Variants in FARP1 observed in about 807,000 individuals in gnomAD.
The protein encoded by FARP1 is FERM, ARHGEF and pleckstrin domain-containing protein 1.
Under a neutral mutation model 128.8 loss-of-function variants are expected in FARP1, and 52 were observed. The ratio of observed to expected loss-of-function variants is 0.40; its 90% CI spans 0.32 to 0.51. The LOEUF (loss-of-function observed/expected upper bound fraction) is 0.51. Among genes scored for constraint, FARP1 ranks in the 20% least tolerant of loss-of-function variants. The probability of loss-of-function intolerance (pLI) is 0.45; values close to 1 mark genes in which losing one functional copy is unlikely to be tolerated. For missense variants in FARP1, 1,333 were observed against 1,367.9 expected, an observed-to-expected ratio of 0.97 and a Z score of 0.40; for synonymous variants, 580 against 551.8, an observed-to-expected ratio of 1.05 and a Z score of -0.72.
At chr13:98,341,955 G>A (rs143007963) in intron 2 of FARP1, among the ~76,000 whole-genome samples, 3 of 152,292 alleles carry the variant, frequency 2.0e-5, no homozygotes, top group African/African-American at 7.2e-5. Flanking sequence ...TGACCAAGTG[G>A]CCTGATACTA....
intron 3 of FARP1, among the ~76,000 whole-genome samples, chr13:98,349,679 A>AGG (rs1888328742): frequency 1.1e-4 from 8 of 74,850 alleles, no homozygotes; most frequent in African/African-American, 4.1e-4. Context: ...AGGGAAAAAA[A>AGG]AAAAAAAAAA....
intron 3 of FARP1, 82 bp downstream of exon 3, chr13:98,343,948 T>A: frequency 2.3e-6 from 2 of 881,936 alleles, no homozygotes; most frequent in Admixed American, 1.7e-5. Flanking sequence ...TCTAAATGAT[T>A]GTGAGTGAGA....
At chr13:98,398,499 C>A (rs2140083228) in intron 13 of FARP1, 2 of 152,268 alleles carry the variant, frequency 1.3e-5, no homozygotes, top group East Asian at 3.9e-4. Flanking sequence ...TTTTTAATCT[C>A]TGTGATATCT....
intron 3 of FARP1, among the ~76,000 whole-genome samples, chr13:98,359,106 T>C (rs1000608908): frequency 1.3e-5 from 2 of 152,206 alleles, no homozygotes; most frequent in African/African-American, 4.8e-5. Flanking sequence ...AACTGAACTT[T>C]TGTTGAGTCC....
Position 98,396,637 on chromosome 13 carries a change from T to G in FARP1, c.1414+1161T>G, listed in dbSNP as rs1890561034. ...GGACAGGCACATGTTTGAAAGAGTC[T>G]GCCTGACTTCTAAAATCGTTAAGAA... On this transcript the variant is annotated intron_variant, in intron 13 of 26. Coordinates refer to ENST00000319562, the MANE Select transcript of FARP1 (RefSeq NM_005766.4). 3 of 397,580 alleles carry G rather than the reference T, an allele frequency of 7.5e-6. No homozygotes were observed. The South Asian group carries it at 4.3e-4, about 57-fold the overall frequency. 24.6% of individuals were successfully genotyped at this position (397,580 alleles called of 1,614,324 possible).
chr13:98,297,245 G>A (rs530179044), intron 2 of FARP1, among the ~76,000 whole-genome samples: 2 of 152,178 alleles, frequency 1.3e-5, no homozygotes, highest in Non-Finnish European at 2.9e-5. Flanking sequence ...GATGGTGTGT[G>A]CCCTGGGCAG....
At chr13:98,255,641 T>C (rs1883549957) in intron 2 of FARP1, among the ~76,000 whole-genome samples, 1 of 152,266 alleles carries the variant, frequency 6.6e-6, no homozygotes, top group South Asian at 2.1e-4. Context: ...GTTAGTAATA[T>C]GCATAAGATG....
At chr13:98,297,989 T>C (rs1885772344) in intron 2 of FARP1, among the ~76,000 whole-genome samples, 1 of 152,202 alleles carries the variant, frequency 6.6e-6, no homozygotes, top group South Asian at 2.1e-4. Context: ...ATTTTGACCT[T>C]GACATTTCTG....
chr13:98,206,555 C>T (rs1880282128), intron 1 of FARP1, among the ~76,000 whole-genome samples: 1 of 152,284 alleles, frequency 6.6e-6, no homozygotes, highest in Middle Eastern at 3.4e-3. Context: ...CAGCTTGGCA[C>T]ATTTTTGTTA....
chr13:98,336,263 G>A (rs940807087), intron 2 of FARP1, among the ~76,000 whole-genome samples: 14 of 152,128 alleles, frequency 9.2e-5, no homozygotes, highest in African/African-American at 3.1e-4. Context: ...TTGTTTGTTT[G>A]TTTTGAGACA....
chr13:98,248,806 G>A (rs1300819522), intron 2 of FARP1, among the ~76,000 whole-genome samples: 1 of 151,860 alleles, frequency 6.6e-6, no homozygotes, highest in Non-Finnish European at 1.5e-5. Context: ...ATTTGTTTGC[G>A]TTTTCGTGCT....
chr13:98,381,382 C>T (rs925705373), intron 6 of FARP1, among the ~76,000 whole-genome samples: 4 of 152,128 alleles, frequency 2.6e-5, no homozygotes, highest in South Asian at 4.1e-4. Flanking sequence ...TCATCTTGTC[C>T]GTCTCTATAC....
chr13:98,267,292 T>G (rs1357860190), intron 2 of FARP1, among the ~76,000 whole-genome samples: 2 of 152,182 alleles, frequency 1.3e-5, no homozygotes, highest in African/African-American at 4.8e-5. Flanking sequence ...TTCACTGCTT[T>G]GAGTAAACTT....
intron 2 of FARP1, among the ~76,000 whole-genome samples, chr13:98,316,321 G>C (rs765043060): frequency 1.3e-5 from 2 of 152,200 alleles, no homozygotes; most frequent in Non-Finnish European, 2.9e-5. Flanking sequence ...GTCAGGCACT[G>C]CTGGAAGTTG....
intron 4 of FARP1, among the ~76,000 whole-genome samples, chr13:98,366,510 C>G (rs1345614044): frequency 6.6e-6 from 1 of 152,204 alleles, no homozygotes; most frequent in African/African-American, 2.4e-5. Flanking sequence ...CATTTGTCCC[C>G]CGCATGAAGG....
intron 2 of FARP1, among the ~76,000 whole-genome samples, chr13:98,285,131 A>G (rs991751439): frequency 5.9e-5 from 9 of 152,184 alleles, no homozygotes; most frequent in African/African-American, 2.2e-4. Flanking sequence ...ATTCCATTCA[A>G]TCAAGCAGGC....
intron 19 of FARP1, among the ~76,000 whole-genome samples, chr13:98,436,563 C>CT (rs1176840220): frequency 1.3e-5 from 2 of 152,206 alleles, no homozygotes; most frequent in Admixed American, 1.3e-4. Context: ...TTCCAACAAG[C>CT]AGCTGCCCTG....
At chr13:98,286,928 C>T (rs765541879) in intron 2 of FARP1, among the ~76,000 whole-genome samples, 4 of 152,154 alleles carry the variant, frequency 2.6e-5, no homozygotes, top group Non-Finnish European at 5.9e-5. Context: ...TCCATGATAT[C>T]ACATCATTTT....
chr13:98,295,110 T>G (rs1484891691), intron 2 of FARP1, among the ~76,000 whole-genome samples: 1 of 116,586 alleles, frequency 8.6e-6, no homozygotes. Flanking sequence ...CACACATATA[T>G]CCCCAGGCAT....
Sources: allele counts gnomAD v4.1 joint callset (sites outside exome capture counted in the v4.1 genomes callset), GRCh38; gene constraint gnomAD v4.1.1; transcripts MANE v1.5; gene names NCBI Gene and HGNC (gene_info 2026-07-23, HGNC 2026-07-21).